The following SCARB1 variants were observed in gnomAD, a reference collection of about 807,000 sequenced individuals.
SCARB1 encodes the protein scavenger receptor class B member 1.
In SCARB1, 30 loss-of-function variants were observed where a neutral mutation model predicts 57.2. That is an observed-to-expected ratio of 0.52 (90% CI 0.39 to 0.71). The LOEUF (loss-of-function observed/expected upper bound fraction) is 0.71. SCARB1 is among the 30% of genes least tolerant of loss of function. SCARB1 has a pLI of 0.00. For missense variants in SCARB1, 543 were observed against 671.2 expected (o/e 0.81, Z 2.11); for synonymous variants, 249 against 268.3 (o/e 0.93, Z 0.70).
intron 1 of SCARB1, among the ~76,000 whole-genome samples, chr12:124,844,988 G>A (rs1952082354): frequency 6.6e-6 from 1 of 151,924 alleles, no homozygotes; most frequent in Admixed American, 6.6e-5. Context: ...GGCAGGGCCG[G>A]GATCTGGACC....
intron 7 of SCARB1, among the ~76,000 whole-genome samples, chr12:124,803,260 G>A (rs1391982956): frequency 6.6e-6 from 1 of 152,202 alleles, no homozygotes; most frequent in Non-Finnish European, 1.5e-5. Context: ...TGGCCACGGG[G>A]TGCGTTGACT....
chr12:124,854,176 C>G (rs1952539058), intron 1 of SCARB1, among the ~76,000 whole-genome samples: 1 of 152,152 alleles, frequency 6.6e-6, no homozygotes, highest in East Asian at 1.9e-4. Context: ...CAAGGGGGAA[C>G]CTGCATGATG....
chr12:124,827,756 C>T (rs956317873), intron 1 of SCARB1, among the ~76,000 whole-genome samples: 1 of 152,180 alleles, frequency 6.6e-6, no homozygotes, highest in Non-Finnish European at 1.5e-5. Flanking sequence ...CTTACATGCC[C>T]CCTTCTCAGA....
chr12:124,816,999 G>A (rs1031215819), intron 2 of SCARB1, among the ~76,000 whole-genome samples: 10 of 150,242 alleles, frequency 6.7e-5, no homozygotes, highest in African/African-American at 2.0e-4. Context: ...CTGGGGGGTC[G>A]GTCCCTGCTC....
intron 9 of SCARB1, among the ~76,000 whole-genome samples, chr12:124,793,501 G>A (rs1322578368): frequency 1.3e-5 from 2 of 151,952 alleles, no homozygotes; most frequent in Admixed American, 1.3e-4. Context: ...AGACCAACCT[G>A]GCTAACATGG....
chr12:124,852,302 T>C (rs964188507), intron 1 of SCARB1, among the ~76,000 whole-genome samples: 6 of 152,276 alleles, frequency 3.9e-5, no homozygotes, highest in African/African-American at 1.2e-4. Flanking sequence ...GCAGAAGTCA[T>C]TGAAATCCAG....
At chr12:124,788,604 A>G (rs1441298609) in intron 9 of SCARB1, among the ~76,000 whole-genome samples, 1 of 152,200 alleles carries the variant, frequency 6.6e-6, no homozygotes, top group Non-Finnish European at 1.5e-5. Context: ...ATGGAACAGA[A>G]AGATGAGTGG....
At chr12:124,804,914 TTCC>T (rs1194156833) in intron 7 of SCARB1, among the ~76,000 whole-genome samples, 1 of 152,148 alleles carries the variant, frequency 6.6e-6, no homozygotes, top group Non-Finnish European at 1.5e-5. Context: ...AGGCCTCAAT[TTCC>T]TAAGTACAGA....
intron 9 of SCARB1, among the ~76,000 whole-genome samples, chr12:124,793,220 A>G (rs1949793664): frequency 6.6e-6 from 1 of 152,180 alleles, no homozygotes; most frequent in Non-Finnish European, 1.5e-5. Context: ...CATTCCTGCA[A>G]CCCAGGGATT....
Position 124,810,233 on chromosome 12 carries a change from C to T in SCARB1, c.783G>A (p.Met261Ile), listed in dbSNP as rs748180440. Reference sequence around the variant, plus strand: ...ACTCAGGAGTCATGAAGGGCGGCCACATTTGCCCAGAAGTTCCATTGATCA... The same window carrying T: ...ACTCAGGAGTCATGAAGGGCGGCCATATTTGCCCAGAAGTTCCATTGATCA... The part of the protein sequence containing the change: ...CNMINGTSGQ[M>I]WPPFMTPESS... The change falls in exon 6 of 13, where the codon ATG (methionine) becomes ATA (isoleucine). Residue 261 changes from methionine to isoleucine, a missense_variant. Physicochemically the swap from Met to Ile is conservative, Grantham distance 10. Coordinates refer to ENST00000261693, the MANE Select transcript of SCARB1 (RefSeq NM_005505.5). This position sits in a 1 kb window ranked among gnomAD's most constrained non-coding sequence, Gnocchi z 4.0. 6 of 1,614,050 alleles carry T rather than the reference C, an allele frequency of 3.7e-6. No individual in the cohort carries two copies. The Admixed American group carries it at 8.3e-5, about 22-fold the overall frequency.
At chr12:124,787,017 T>C (rs1594189593) in intron 10 of SCARB1, among the ~76,000 whole-genome samples, 2 of 152,012 alleles carry the variant, frequency 1.3e-5, no homozygotes, top group African/African-American at 4.8e-5. Flanking sequence ...AATAATAAAA[T>C]AAAACAAGCT....
chr12:124,842,409 G>A (rs1485197680), intron 1 of SCARB1, among the ~76,000 whole-genome samples: 1 of 152,252 alleles, frequency 6.6e-6, no homozygotes, highest in African/African-American at 2.4e-5. Flanking sequence ...AAAGGGGTTC[G>A]AGGAAGCTCC....
intron 2 of SCARB1, 70 bp from the exon 3 acceptor site, chr12:124,815,184 A>G: frequency 6.4e-7 from 1 of 1,568,450 alleles, no homozygotes; most frequent in Non-Finnish European, 8.7e-7. Context: ...ACTCGCCTGC[A>G]ATGCCTGCCT....
chr12:124,815,150 C>G (rs765474342), intron 2 of SCARB1, 36 bp from the exon 3 acceptor site: 1 of 1,609,104 alleles, frequency 6.2e-7, no homozygotes, highest in Non-Finnish European at 8.5e-7. Context: ...CGCCCCGCCC[C>G]GCTGCATGGG....
intron 1 of SCARB1, among the ~76,000 whole-genome samples, chr12:124,859,094 C>T (rs766704530): frequency 5.3e-5 from 8 of 152,122 alleles, no homozygotes; most frequent in African/African-American, 9.7e-5. Context: ...ATGTTGCCCA[C>T]GCTAGTCTTA....
chr12:124,824,190 A>AAAG (rs1555263861), intron 1 of SCARB1, among the ~76,000 whole-genome samples: 6 of 149,492 alleles, frequency 4.0e-5, no homozygotes, highest in African/African-American at 4.9e-5. Flanking sequence ...AAAAAAAAAA[A>AAAG]AGAGAAAGAA....
chr12:124,836,999 G>T (rs765229084), intron 1 of SCARB1, among the ~76,000 whole-genome samples: 1 of 152,142 alleles, frequency 6.6e-6, no homozygotes, highest in Non-Finnish European at 1.5e-5. Flanking sequence ...CAAGTAAGGA[G>T]CTCAGACCAG....
At chr12:124,797,933 T>C (rs1228586126) in intron 8 of SCARB1, among the ~76,000 whole-genome samples, 1 of 152,132 alleles carries the variant, frequency 6.6e-6, no homozygotes, top group Non-Finnish European at 1.5e-5. Context: ...AGAACTACCA[T>C]CGGATCAGTG....
intron 1 of SCARB1, among the ~76,000 whole-genome samples, chr12:124,856,193 G>C (rs1952615222): frequency 6.6e-6 from 1 of 152,214 alleles, no homozygotes; most frequent in African/African-American, 2.4e-5. Flanking sequence ...AACACACAAG[G>C]ACATGCATAA....
Sources: allele counts gnomAD v4.1 joint callset (sites outside exome capture counted in the v4.1 genomes callset), GRCh38; gene constraint gnomAD v4.1.1; non-coding constraint Gnocchi (gnomAD v3.1); transcripts MANE v1.5; gene names NCBI Gene and HGNC (gene_info 2026-07-23, HGNC 2026-07-21).